Variants in AOPEP observed in about 807,000 individuals in gnomAD.
The protein encoded by AOPEP is aminopeptidase O.
In AOPEP, 77 loss-of-function variants were observed where a neutral mutation model predicts 98.1. The observed-to-expected ratio is 0.78, with a 90% CI of 0.65 to 0.95. AOPEP has a LOEUF of 0.95. Ranked by LOEUF, AOPEP falls within the 40% of genes least tolerant of loss-of-function variation. The probability of loss-of-function intolerance (pLI) is 0.00; values close to 1 mark genes in which losing one functional copy is unlikely to be tolerated. For missense variants in AOPEP, 1,024 were observed against 1,024.7 expected (o/e 1.00, Z 0.01); for synonymous variants, 346 against 365.3 (o/e 0.95, Z 0.60).
At chr9:94,751,623 G>A (rs1835791489) in intron 1 of AOPEP, among the ~76,000 whole-genome samples, 1 of 151,934 alleles carries the variant, frequency 6.6e-6, no homozygotes, top group Non-Finnish European at 1.5e-5. Context: ...TCTTTTCTTT[G>A]CACATATTGT....
At chr9:94,938,863 T>C (rs2056654552) in intron 7 of AOPEP, among the ~76,000 whole-genome samples, 1 of 152,186 alleles carries the variant, frequency 6.6e-6, no homozygotes, top group African/African-American at 2.4e-5. Context: ...ATCAGGTGGC[T>C]GTGTGAGGAA....
chr9:94,923,683 C>T (rs1056259431), intron 5 of AOPEP, among the ~76,000 whole-genome samples: 2 of 152,206 alleles, frequency 1.3e-5, no homozygotes, highest in African/African-American at 4.8e-5. Flanking sequence ...AGAGTAAATG[C>T]TTCCATTGCC....
chr9:95,091,225 C>A (rs960370646), downstream of AOPEP, among the ~76,000 whole-genome samples: 1 of 152,144 alleles, frequency 6.6e-6, no homozygotes, highest in African/African-American at 2.4e-5. Flanking sequence ...TTGTGTGGGT[C>A]ATGGGTGGGG....
the AOPEP span, among the ~76,000 whole-genome samples, chr9:95,092,669 C>A: frequency 6.6e-6 from 1 of 152,286 alleles, no homozygotes; most frequent in African/African-American, 2.4e-5. Flanking sequence ...CTTTTGCCAG[C>A]GGGGTGTGGG....
chr9:94,972,433 T>C lies in AOPEP; in HGVS notation c.1916+4632T>C, dbSNP rs943696619. The stretch of plus-strand genomic sequence containing the variant: ...TGAAAGAGCCCCGTGGAACGCCTTA[T>C]GCCAGTGTCCTTGCTGCCTGGTGTT... On this transcript the variant is annotated intron_variant, in intron 10 of 16. Coordinates refer to ENST00000375315, the MANE Select transcript of AOPEP (RefSeq NM_001193329.3). The surrounding 1 kb of genome is among the most constrained non-coding windows in gnomAD (Gnocchi z 4.2). 1.1e-4 allele frequency among the ~76,000 whole-genome samples: 16 copies of C among 152,202 alleles called. No individual in the cohort carries two copies. Among genetic ancestry groups the C allele is most frequent in the African/African-American group, 3.6e-4 (15 of 41,456 alleles).
chr9:94,906,484 A>AT (rs201137956), intron 5 of AOPEP, among the ~76,000 whole-genome samples: 6,438 of 79,784 alleles, frequency 0.081, 385 homozygotes, highest in African/African-American at 0.15. Context: ...AATAATAATA[A>AT]AAAAACAGAC....
intron 5 of AOPEP, among the ~76,000 whole-genome samples, chr9:94,859,771 T>C (rs1480570041): frequency 6.6e-6 from 1 of 152,212 alleles, no homozygotes; most frequent in Non-Finnish European, 1.5e-5. Flanking sequence ...ACTTACTTAT[T>C]CTAGGTCTTG....
intron 5 of AOPEP, among the ~76,000 whole-genome samples, chr9:94,858,440 C>T (rs777621104): frequency 3.3e-5 from 5 of 152,168 alleles, no homozygotes; most frequent in Non-Finnish European, 4.4e-5. Flanking sequence ...GAAATCAGTA[C>T]GACCAGTAGG....
At chr9:94,943,919 C>CAAAA (rs775807087) in intron 7 of AOPEP, among the ~76,000 whole-genome samples, 3 of 17,394 alleles carry the variant, frequency 1.7e-4, no homozygotes, top group Non-Finnish European at 6.2e-4. Flanking sequence ...GACTCCATCT[C>CAAAA]AAAAAAAAAA....
At chr9:95,095,067 C>T in the AOPEP span, among the ~76,000 whole-genome samples, 3 of 152,332 alleles carry the variant, frequency 2.0e-5, no homozygotes, top group African/African-American at 7.2e-5. Context: ...AGGAACATGG[C>T]GTCCAGGATT....
intron 7 of AOPEP, among the ~76,000 whole-genome samples, chr9:94,950,279 C>T (rs780044224): frequency 2.6e-5 from 4 of 152,206 alleles, no homozygotes; most frequent in Admixed American, 2.0e-4. Context: ...GAACACAGAA[C>T]GCAGATAATA....
intron 15 of AOPEP, among the ~76,000 whole-genome samples, chr9:95,081,509 A>G (rs1304930469): frequency 2.6e-5 from 4 of 152,180 alleles, no homozygotes; most frequent in Admixed American, 2.0e-4. Context: ...GAGGCAAACA[A>G]AAGGACTTTT....
At chr9:94,866,941 A>G (rs960737088) in intron 5 of AOPEP, among the ~76,000 whole-genome samples, 1 of 152,234 alleles carries the variant, frequency 6.6e-6, no homozygotes, top group Non-Finnish European at 1.5e-5. Context: ...TGTGAAATGC[A>G]TGAAACTTAT....
chr9:94,840,852 T>C (rs1220058298), intron 5 of AOPEP, among the ~76,000 whole-genome samples: 1 of 152,172 alleles, frequency 6.6e-6, no homozygotes, highest in East Asian at 1.9e-4. Flanking sequence ...ATTCCTGATG[T>C]TGGTAAGTTG....
chr9:94,905,515 T>G (rs1459828027), intron 5 of AOPEP, among the ~76,000 whole-genome samples: 1 of 152,234 alleles, frequency 6.6e-6, no homozygotes, highest in African/African-American at 2.4e-5. Flanking sequence ...ATTCTAGTTT[T>G]ATCAAAATGG....
intron 13 of AOPEP, among the ~76,000 whole-genome samples, chr9:95,030,209 A>G (rs963704133): frequency 6.6e-6 from 1 of 152,242 alleles, no homozygotes; most frequent in Non-Finnish European, 1.5e-5. Context: ...CAGTCACTCA[A>G]CCAGCACTTT....
chr9:94,827,547 C>T (rs1355910168), intron 5 of AOPEP, among the ~76,000 whole-genome samples: 1 of 152,126 alleles, frequency 6.6e-6, no homozygotes, highest in East Asian at 1.9e-4. Context: ...TCTTTTCTTC[C>T]TACACATTTC....
At chr9:95,101,307 A>C in the AOPEP span, 1 of 329,474 alleles carries the variant, frequency 3.0e-6, no homozygotes, top group East Asian at 4.6e-5. Context: ...TTCTCTCTAA[A>C]TTCTTTAATG....
intron 7 of AOPEP, among the ~76,000 whole-genome samples, chr9:94,954,147 A>G (rs980988998): frequency 6.6e-6 from 1 of 152,122 alleles, no homozygotes; most frequent in African/African-American, 2.4e-5. Context: ...ACATGGCGAA[A>G]CCCCATCTCT....
Sources: allele counts gnomAD v4.1 joint callset (sites outside exome capture counted in the v4.1 genomes callset), GRCh38; gene constraint gnomAD v4.1.1; non-coding constraint Gnocchi (gnomAD v3.1); transcripts MANE v1.5; gene names NCBI Gene and HGNC (gene_info 2026-07-23, HGNC 2026-07-21).